Variants in MAP3K19 observed in about 807,000 individuals in gnomAD.
MAP3K19 encodes mitogen-activated protein kinase kinase kinase 19, also known as SPS1/STE20-related protein kinase YSK4.
In MAP3K19, 91 loss-of-function variants were observed where a neutral mutation model predicts 114.4. That is an observed-to-expected ratio of 0.80 (90% CI 0.67 to 0.95). The LOEUF is 0.95. Ranked by LOEUF, MAP3K19 falls within the 40% of genes least tolerant of loss-of-function variation. The probability of loss-of-function intolerance (pLI) is 0.00; values close to 1 mark genes in which losing one functional copy is unlikely to be tolerated. For missense variants in MAP3K19, 1,471 were observed against 1,573.2 expected, an observed-to-expected ratio of 0.94 and a Z score of 1.10; for synonymous variants, 518 against 530.5, an observed-to-expected ratio of 0.98 and a Z score of 0.32.
At chr2:135,037,258 A>G (rs1197576969) in intron 2 of MAP3K19, among the ~76,000 whole-genome samples, 1 of 152,228 alleles carries the variant, frequency 6.6e-6, no homozygotes, top group Admixed American at 6.5e-5. Context: ...TCGGCCTCCC[A>G]AAGTGCTGGG....
chr2:134,977,695 C>T lies in MAP3K19; in HGVS notation c.3920+3126G>A, dbSNP rs139592241. Among the ~76,000 whole-genome samples the T allele has an allele frequency of 6.4e-3, 980 of 152,160 alleles. 7 individuals are homozygous for T. Among genetic ancestry groups the T allele is most frequent in the African/African-American group, 0.022 (909 of 41,512 alleles). On this transcript the variant is annotated intron_variant, in intron 12 of 12. Coordinates refer to ENST00000392915, the MANE Select transcript of MAP3K19 (RefSeq NM_025052.5). Reference sequence around the variant, plus strand: ...AATTTTTTGTAGAAACAGGGTCTCCCTATGTTGCCCAGGCTGATCTCAAAC... The same window carrying T: ...AATTTTTTGTAGAAACAGGGTCTCCTTATGTTGCCCAGGCTGATCTCAAAC...
chr2:135,021,840 G>T lies in MAP3K19; in HGVS notation c.23-10C>A, dbSNP rs373424415. The T allele has an allele frequency of 1.2e-5, 18 of 1,510,880 alleles. No individual in the cohort carries two copies. Among genetic ancestry groups the T allele is most frequent in the Non-Finnish European group, 1.6e-5 (18 of 1,094,802 alleles). The allele number at this position is 1,510,880 out of a possible 1,614,324, so 93.6% of individuals were successfully genotyped here. ...GACTCAGCATGTCTTTCTATCAAAA[G>T]AAACATAATAGTATGTTTTGATAAG... On this transcript the variant is annotated splice_polypyrimidine_tract_variant and intron_variant, in intron 4 of 12. Transcript: ENST00000392915.
At chr2:135,004,861 T>TGGAGAC (rs1260732975) in intron 6 of MAP3K19, among the ~76,000 whole-genome samples, 1 of 152,088 alleles carries the variant, frequency 6.6e-6, no homozygotes, top group Non-Finnish European at 1.5e-5. Flanking sequence ...CAACGGCTCA[T>TGGAGAC]GGAGACACGT....
In MAP3K19 at chr2:135,036,190, A is replaced by G. The variant is rs74671489; in HGVS notation, c.-284+4173T>C. Among the ~76,000 whole-genome samples the G allele has an allele frequency of 7.1e-3, 1,072 of 151,834 alleles. 12 individuals are homozygous for G. Among genetic ancestry groups the G allele is most frequent in the African/African-American group, 0.024 (1,002 of 41,364 alleles). Reference sequence around the variant, plus strand: ...TGTCTTTGCTGTTCCCTCTACCCCAATTGCCCTTCGTTTATGTCTTAGCAT... The same window carrying G: ...TGTCTTTGCTGTTCCCTCTACCCCAGTTGCCCTTCGTTTATGTCTTAGCAT... On this transcript the variant is annotated intron_variant, in intron 2 of 12. Transcript: ENST00000392915.
chr2:135,013,849 C>T (rs1687403763), intron 5 of MAP3K19, among the ~76,000 whole-genome samples: 1 of 152,064 alleles, frequency 6.6e-6, no homozygotes, highest in Admixed American at 6.6e-5. Context: ...TTCATTATAC[C>T]AATGATTCCC....
chr2:134,977,356 A>ATTTTTTTTTTTTTTTTTTTTTTTTTTTT (rs774277347), intron 12 of MAP3K19, among the ~76,000 whole-genome samples: 1 of 86,834 alleles, frequency 1.2e-5, no homozygotes, highest in Non-Finnish European at 2.0e-5. Flanking sequence ...TAATTTTTAA[A>ATTTTTTTTTTTTTTTTTTTTTTTTTTTT]TTTTTTTTTT....
chr2:135,018,610 G>T (rs1436011154), intron 5 of MAP3K19, among the ~76,000 whole-genome samples: 1 of 152,206 alleles, frequency 6.6e-6, no homozygotes, highest in Non-Finnish European at 1.5e-5. Flanking sequence ...AAAGTGCTGG[G>T]AGTACAGGCA....
intron 9 of MAP3K19, among the ~76,000 whole-genome samples, chr2:134,988,727 AT>A (rs575517301): frequency 7.0e-4 from 107 of 152,034 alleles, no homozygotes; most frequent in Non-Finnish European, 1.1e-3. Context: ...CATTCCCAAT[AT>A]TTTTTTTAGA....
Position 134,988,040 on chromosome 2 carries a change from T to C in MAP3K19, c.832A>G (p.Arg278Gly), listed in dbSNP as rs957265117. 6.2e-7 allele frequency: 1 copy of C among 1,613,918 alleles called. No individual in the cohort carries two copies. Among genetic ancestry groups the C allele is most frequent in the Non-Finnish European group, 8.5e-7 (1 of 1,179,868 alleles). The change falls in exon 10 of 13, where the codon AGG becomes GGG. Residue 278 changes from arginine to glycine, a missense_variant. Arg to Gly is a moderately radical substitution (Grantham distance 125). Transcript: ENST00000392915. ...GACCAAATGAAGCCATCAGAAGACC[T>C]GAGAGTCGGATCCATCAACGACTTA... Reference protein sequence around the residue: ...LVKSLMDPTLRSSDGFIWSRN... With the variant: ...LVKSLMDPTLGSSDGFIWSRN...
chr2:134,969,643 C>T (rs910617236), intron 12 of MAP3K19, among the ~76,000 whole-genome samples: 1 of 152,132 alleles, frequency 6.6e-6, no homozygotes, highest in Admixed American at 6.5e-5. Flanking sequence ...ACCTTAAAAG[C>T]ACAGGTGACA....
intron 12 of MAP3K19, among the ~76,000 whole-genome samples, chr2:134,973,098 T>G (rs1183939110): frequency 6.6e-6 from 1 of 152,230 alleles, no homozygotes; most frequent in African/African-American, 2.4e-5. Flanking sequence ...GGAACATTTA[T>G]TCTGCCATTG....
intron 5 of MAP3K19, among the ~76,000 whole-genome samples, chr2:135,012,427 G>T (rs553451789): frequency 2.6e-5 from 4 of 152,028 alleles, no homozygotes; most frequent in Non-Finnish European, 5.9e-5. Flanking sequence ...TTATAAATGC[G>T]CAAAGCTAAA....
intron 2 of MAP3K19, among the ~76,000 whole-genome samples, chr2:135,040,055 G>C (rs759674906): frequency 1.3e-5 from 2 of 152,112 alleles, no homozygotes; most frequent in Non-Finnish European, 2.9e-5. Flanking sequence ...TGGAGTTGAG[G>C]GTCCATCATG....
At chr2:135,038,103 T>C (rs1462407240) in intron 2 of MAP3K19, among the ~76,000 whole-genome samples, 1 of 152,022 alleles carries the variant, frequency 6.6e-6, no homozygotes, top group Non-Finnish European at 1.5e-5. Flanking sequence ...GGGGAGGTGT[T>C]TGCTTCTTTA....
chr2:134,986,915 T>C lies in MAP3K19; in HGVS notation c.1957A>G (p.Ile653Val), dbSNP rs1282363355. The C allele has an allele frequency of 1.9e-6, 3 of 1,614,060 alleles. No individual in the cohort carries two copies. In the Admixed American group the frequency reaches 5.0e-5, roughly 27 times the overall value. Residue 653 changes from isoleucine (I) to valine (V), a missense_variant, in exon 10 of 13, where the codon ATC becomes GTC. Transcript: ENST00000392915. ...DLKYSDMFKE[I>V]NSTANGPGIY... ...CCAGGTCCATTAGCAGTTGAATTGA[T>C]TTCTTTGAACATATCACTATACTTA...
At chr2:135,024,492 CAG>C in intron 4 of MAP3K19, 132 bp downstream of exon 4, 1 of 845,786 alleles carries the variant, frequency 1.2e-6, no homozygotes, top group Non-Finnish European at 2.0e-6. Context: ...GGGCCTTGTA[CAG>C]AGTCACTGCT....
chr2:135,038,451 C>T (rs528047063), intron 2 of MAP3K19, among the ~76,000 whole-genome samples: 125 of 152,048 alleles, frequency 8.2e-4, no homozygotes, highest in African/African-American at 2.8e-3. Flanking sequence ...TCCTGCATAA[C>T]TTGCTGCTTC....
At chr2:135,013,822 T>C (rs1024230261) in intron 5 of MAP3K19, among the ~76,000 whole-genome samples, 5 of 152,076 alleles carry the variant, frequency 3.3e-5, no homozygotes, top group Non-Finnish European at 5.9e-5. Context: ...TTAGCTGAAG[T>C]CCTGGGACCT....
intron 12 of MAP3K19, among the ~76,000 whole-genome samples, chr2:134,976,230 G>A (rs1003457297): frequency 6.6e-6 from 1 of 152,212 alleles, no homozygotes; most frequent in Admixed American, 6.5e-5. Context: ...GTGCCATGCT[G>A]TAGCTGCTTA....
Sources: gnomAD v4.1 joint callset for allele counts (sites outside exome capture counted in the v4.1 genomes callset) on GRCh38, gnomAD v4.1.1 for gene constraint, MANE v1.5 for transcripts, NCBI Gene and HGNC (gene_info 2026-07-23, HGNC 2026-07-21) for gene names.